MARCHF4: variants seen among roughly 807,000 people sequenced by gnomAD.
The protein encoded by MARCHF4 is membrane associated ring-CH-type finger 4, also known as E3 ubiquitin-protein ligase MARCHF4.
In MARCHF4, 14 loss-of-function variants were observed where a neutral mutation model predicts 43.9. The observed-to-expected ratio is 0.32, with a 90% CI of 0.21 to 0.50. The LOEUF (loss-of-function observed/expected upper bound fraction) is 0.50. Ranked by LOEUF, MARCHF4 falls within the 20% of genes least tolerant of loss-of-function variation. The pLI is 0.98. For missense variants in MARCHF4, 468 were observed against 536.7 expected, an observed-to-expected ratio of 0.87 and a Z score of 1.27; for synonymous variants, 226 against 213.3, an observed-to-expected ratio of 1.06 and a Z score of -0.52.
Position 216,369,968 on chromosome 2 carries a change from C to A in MARCHF4, c.293G>T (p.Gly98Val), listed in dbSNP as rs1360538384. 1 of 1,565,898 alleles carries A rather than the reference C, an allele frequency of 6.4e-7. No homozygotes were observed. The highest frequency in any genetic ancestry group is 8.7e-7 in the Non-Finnish European group (1 of 1,153,002). ...AGGTGGCACAGGAGGGGGCTCCCTGCCCACCACTTCTCGGGGGCCCCTCCA... is the reference window on the plus strand; with the variant it reads ...AGGTGGCACAGGAGGGGGCTCCCTGACCACCACTTCTCGGGGGCCCCTCCA... ...AGWRGPREVV[G>V]REPPPVPPPP... The change falls in exon 1 of 4, where the codon GGC becomes GTC. Residue 98 changes from glycine (G) to valine (V), a missense_variant. Gly to Val is a moderately radical substitution (Grantham distance 109). Transcript: ENST00000273067.
chr2:216,283,731 T>C lies in MARCHF4; in HGVS notation c.517-2A>G, dbSNP rs1574463306. 1 of 1,598,980 alleles carries C rather than the reference T, an allele frequency of 6.3e-7. No individual in the cohort carries two copies. Among genetic ancestry groups the C allele is most frequent in the Non-Finnish European group, 8.6e-7 (1 of 1,168,428 alleles). On this transcript the variant is annotated splice_acceptor_variant, in intron 1 of 3. Transcript: ENST00000273067. LOFTEE classifies it high-confidence loss of function. The stretch of plus-strand genomic sequence containing the variant: ...GCGGCATGGGCTCAGCAGCTCCCCC[T>C]GCAGGGAGAGAGCACAGGGTGATGA...
Position 216,259,464 on chromosome 2 carries a change from G to A in MARCHF4, c.1081C>T (p.Pro361Ser). The change falls in exon 4 of 4, where the codon CCT (proline) becomes TCT (serine). Residue 361 changes from proline to serine, a missense_variant. Physicochemically the swap from Pro to Ser is moderately conservative, Grantham distance 74. Coordinates refer to ENST00000273067, the MANE Select transcript of MARCHF4 (RefSeq NM_020814.3). Reference sequence around the variant, plus strand: ...GAGGGGTGGCCGGCAGCCTGGGCAGGGCCCTGCTCAGGGGCAGGGGTGCCT... The same window carrying A: ...GAGGGGTGGCCGGCAGCCTGGGCAGAGCCCTGCTCAGGGGCAGGGGTGCCT... ...TAGTPAPEQG[P>S]AQAAGHPSGP... is the part of the protein sequence containing the mutation. 1.2e-6 allele frequency: 2 copies of A among 1,614,142 alleles called. No homozygotes were observed. The highest frequency in any genetic ancestry group is 1.1e-5 in the South Asian group (1 of 91,076).
chr2:216,270,932 C>T (rs1421363258), intron 3 of MARCHF4, among the ~76,000 whole-genome samples: 1 of 152,196 alleles, frequency 6.6e-6, no homozygotes, highest in Non-Finnish European at 1.5e-5. Flanking sequence ...AAGCATTTTC[C>T]AGCGAAGTCC....
At chr2:216,310,499 C>T (rs1285540267) in intron 1 of MARCHF4, among the ~76,000 whole-genome samples, 2 of 152,108 alleles carry the variant, frequency 1.3e-5, no homozygotes, top group East Asian at 1.9e-4. Context: ...TGGGCTCAAG[C>T]GATCCTCCTG....
At chr2:216,271,842 G>C (rs1350281061) in intron 3 of MARCHF4, among the ~76,000 whole-genome samples, 2 of 151,788 alleles carry the variant, frequency 1.3e-5, no homozygotes, top group African/African-American at 2.4e-5. Flanking sequence ...CCAGACTGGA[G>C]TACAGTGGCA....
chr2:216,357,986 A>G (rs1247920301), intron 1 of MARCHF4, among the ~76,000 whole-genome samples: 1 of 152,220 alleles, frequency 6.6e-6, no homozygotes. Context: ...AGAAATTTTC[A>G]AAGTTTGAAG....
At chr2:216,284,413 C>T (rs916920251) in intron 1 of MARCHF4, among the ~76,000 whole-genome samples, 2 of 152,188 alleles carry the variant, frequency 1.3e-5, no homozygotes, top group African/African-American at 2.4e-5. Context: ...GCTCACTCTC[C>T]AGAACTTCCC....
intron 1 of MARCHF4, among the ~76,000 whole-genome samples, chr2:216,337,867 C>T (rs1225850910): frequency 6.6e-6 from 1 of 152,148 alleles, no homozygotes; most frequent in Admixed American, 6.5e-5. Context: ...TGTTGAGTGG[C>T]AGGCACTCAA....
intron 1 of MARCHF4, among the ~76,000 whole-genome samples, chr2:216,304,154 C>G (rs1691542605): frequency 6.6e-6 from 1 of 152,200 alleles, no homozygotes; most frequent in Non-Finnish European, 1.5e-5. Flanking sequence ...CACCCCAAAT[C>G]ATGTATAAAG....
chr2:216,297,550 T>C (rs866961712), intron 1 of MARCHF4, among the ~76,000 whole-genome samples: 1 of 152,168 alleles, frequency 6.6e-6, no homozygotes, highest in Admixed American at 6.5e-5. Flanking sequence ...TCCCTCTTGT[T>C]GCCCAGGCTG....
chr2:216,360,174 T>C (rs1692555249), intron 1 of MARCHF4, among the ~76,000 whole-genome samples: 1 of 152,214 alleles, frequency 6.6e-6, no homozygotes, highest in African/African-American at 2.4e-5. Context: ...TGTCCACAGA[T>C]GTTTCAAAAC....
In MARCHF4 at chr2:216,355,075, G is replaced by A. The variant is rs1476271448; in HGVS notation, c.516+14670C>T. On this transcript the variant is annotated intron_variant, in intron 1 of 3. Transcript: ENST00000273067. Reference sequence around the variant, plus strand: ...CAACCTCCACCTCCCAGGTTCAAGTGATTCTCCTGCCTCAGACTCCCGAGT... The same window carrying A: ...CAACCTCCACCTCCCAGGTTCAAGTAATTCTCCTGCCTCAGACTCCCGAGT... Among the ~76,000 whole-genome samples, 3 of 151,652 alleles carry A rather than the reference G, an allele frequency of 2.0e-5. No individual in the cohort carries two copies. The East Asian group carries it at 5.8e-4, about 29-fold the overall frequency.
At chr2:216,284,557 C>T (rs1027941067) in intron 1 of MARCHF4, among the ~76,000 whole-genome samples, 1 of 152,184 alleles carries the variant, frequency 6.6e-6, no homozygotes, top group Non-Finnish European at 1.5e-5. Context: ...CCTTGATCTT[C>T]TGAGCTCAAG....
intron 1 of MARCHF4, among the ~76,000 whole-genome samples, chr2:216,330,657 A>G (rs1176953725): frequency 6.6e-6 from 1 of 152,192 alleles, no homozygotes; most frequent in Non-Finnish European, 1.5e-5. Context: ...CAAGAACTGA[A>G]ATCAGTCAGA....
rs1276604711 is a variant in MARCHF4, at chr2:216,370,353, T to C, written c.-93A>G. On this transcript the variant is annotated 5_prime_UTR_variant, in exon 1 of 4. Coordinates refer to ENST00000273067, the MANE Select transcript of MARCHF4 (RefSeq NM_020814.3). The stretch of plus-strand genomic sequence containing the variant: ...TTTGGGGGTCCACAGTGGATCTGTG[T>C]TGTGGGGGGAGTCTGCTTTCTCACT... 8.2e-6 allele frequency: 9 copies of C among 1,102,822 alleles called. No homozygotes were observed. The highest frequency in any genetic ancestry group is 5.5e-5 in the South Asian group (3 of 54,522). 68.3% of individuals were successfully genotyped at this position (1,102,822 alleles called of 1,614,324 possible).
intron 3 of MARCHF4, among the ~76,000 whole-genome samples, chr2:216,260,101 G>A (rs1227010058): frequency 6.6e-6 from 1 of 152,238 alleles, no homozygotes; most frequent in Non-Finnish European, 1.5e-5. Context: ...ACCTGCTAAA[G>A]GTTGCTAGAA....
intron 1 of MARCHF4, among the ~76,000 whole-genome samples, chr2:216,317,177 G>A (rs551897083): frequency 3.9e-5 from 6 of 152,282 alleles, no homozygotes; most frequent in Admixed American, 1.3e-4. Context: ...GCTCTCCAGT[G>A]ATACATTGCT....
At chr2:216,364,993 C>A (rs759601000) in intron 1 of MARCHF4, among the ~76,000 whole-genome samples, 1 of 152,322 alleles carries the variant, frequency 6.6e-6, no homozygotes, top group African/African-American at 2.4e-5. Context: ...TCCATTTATA[C>A]TCCTGCCATA....
chr2:216,349,201 G>A (rs1200347051), intron 1 of MARCHF4, among the ~76,000 whole-genome samples: 1 of 152,194 alleles, frequency 6.6e-6, no homozygotes, highest in East Asian at 1.9e-4. Flanking sequence ...AAAGGGCTGA[G>A]AGAATGATGT....
Sources: allele counts gnomAD v4.1 joint callset (sites outside exome capture counted in the v4.1 genomes callset), GRCh38; gene constraint gnomAD v4.1.1; transcripts MANE v1.5; gene names NCBI Gene and HGNC (gene_info 2026-07-23, HGNC 2026-07-21).